The following NOX4 variants were observed in gnomAD, a reference collection of about 807,000 sequenced individuals.
NOX4 encodes the protein kidney oxidase-1.
In NOX4, 69 loss-of-function variants were observed where a neutral mutation model predicts 87.6. That is an observed-to-expected ratio of 0.79 (90% CI 0.65 to 0.96). The LOEUF (loss-of-function observed/expected upper bound fraction) is 0.96. Among genes scored for constraint, NOX4 ranks in the 40% least tolerant of loss-of-function variants. The pLI is 0.00. For missense variants in NOX4, 680 were observed against 681.5 expected, an observed-to-expected ratio of 1.00 and a Z score of 0.02; for synonymous variants, 275 against 238.2, an observed-to-expected ratio of 1.15 and a Z score of -1.42.
intron 2 of NOX4, among the ~76,000 whole-genome samples, chr11:89,461,647 A>AAAATAAATAAAT (rs60340385): frequency 0.012 from 1,807 of 145,686 alleles, 43 homozygotes; most frequent in African/African-American, 0.039. Flanking sequence ...TCCATCTCAA[A>AAAATAAATAAAT]AAATAAATAA....
intron 8 of NOX4, among the ~76,000 whole-genome samples, chr11:89,408,725 T>C (rs1221801968): frequency 6.6e-6 from 1 of 152,182 alleles, no homozygotes; most frequent in Non-Finnish European, 1.5e-5. Flanking sequence ...GCTTACAAGA[T>C]AGGAATAACA....
At chr11:89,492,248 G>A (rs1197932890), upstream of NOX4, 1 of 151,914 alleles carries the variant, frequency 6.6e-6, no homozygotes, top group Non-Finnish European at 1.5e-5. Context: ...AGAAAAGAGA[G>A]AGAAAAAAAT....
At chr11:89,339,853 A>C (rs1189697719) in intron 15 of NOX4, among the ~76,000 whole-genome samples, 2 of 152,170 alleles carry the variant, frequency 1.3e-5, no homozygotes, top group African/African-American at 4.8e-5. Flanking sequence ...GCATACTCAC[A>C]AATATCCATA....
chr11:89,429,688 T>A (rs139983152), intron 7 of NOX4, among the ~76,000 whole-genome samples: 2 of 152,144 alleles, frequency 1.3e-5, no homozygotes, highest in South Asian at 4.1e-4. Context: ...AATAGACCAA[T>A]AACAGGCTCT....
chr11:89,362,199 C>A (rs1262476792), intron 12 of NOX4, among the ~76,000 whole-genome samples: 1 of 150,408 alleles, frequency 6.6e-6, no homozygotes, highest in Admixed American at 6.6e-5. Flanking sequence ...CACACACACA[C>A]CTTCTAGCTA....
chr11:89,438,877 T>TA (rs1190190165), intron 6 of NOX4, among the ~76,000 whole-genome samples: 55 of 55,350 alleles, frequency 9.9e-4, no homozygotes, highest in Middle Eastern at 0.024. Flanking sequence ...ATATATATAA[T>TA]ATATAATATA....
intron 6 of NOX4, among the ~76,000 whole-genome samples, chr11:89,434,448 C>T (rs924641283): frequency 2.0e-5 from 3 of 151,906 alleles, no homozygotes; most frequent in Non-Finnish European, 4.4e-5. Context: ...CTTCCTTTTT[C>T]ATGATTTTTC....
chr11:89,549,017 T>C, the NOX4 span, among the ~76,000 whole-genome samples: 1 of 152,210 alleles, frequency 6.6e-6, no homozygotes, highest in Non-Finnish European at 1.5e-5. Context: ...TCTCAAACCT[T>C]TTCTTAAATT....
intron 8 of NOX4, among the ~76,000 whole-genome samples, chr11:89,417,871 C>A (rs1365201326): frequency 6.6e-6 from 1 of 151,996 alleles, no homozygotes; most frequent in African/African-American, 2.4e-5. Flanking sequence ...TAACAAAAAG[C>A]AAGGACAAAT....
At chr11:89,560,996 CTA>C in the NOX4 span, among the ~76,000 whole-genome samples, 2,045 of 40,672 alleles carry the variant, frequency 0.05, 51 homozygotes, top group Middle Eastern at 0.089. Context: ...CTCTCTCTCT[CTA>C]TATATATATA....
chr11:89,379,184 A>G (rs1471493531), intron 11 of NOX4, among the ~76,000 whole-genome samples: 1 of 152,150 alleles, frequency 6.6e-6, no homozygotes, highest in Non-Finnish European at 1.5e-5. Flanking sequence ...AGATGTCAAC[A>G]CATTTTTGAA....
the NOX4 span, among the ~76,000 whole-genome samples, chr11:89,513,119 C>T: frequency 1.3e-5 from 2 of 151,854 alleles, no homozygotes; most frequent in East Asian, 3.9e-4. Context: ...TCAGGAGTTC[C>T]AGACCAACCT....
rs1946133305 is a variant in NOX4, at chr11:89,475,611, A to T, written c.153+14847T>A. ...ACTTTTGATAACTGAGGATATATTA[A>T]CGTAAAGCGCAGGCTTCAACAGAAT... On this transcript the variant is annotated intron_variant, in intron 2 of 17. Coordinates refer to ENST00000263317, the MANE Select transcript of NOX4 (RefSeq NM_016931.5). 2.0e-5 allele frequency among the ~76,000 whole-genome samples: 3 copies of T among 152,230 alleles called. No homozygotes were observed. In the South Asian group the frequency reaches 6.2e-4, roughly 32 times the overall value.
intron 4 of NOX4, among the ~76,000 whole-genome samples, chr11:89,445,386 A>G (rs188283427): frequency 2.0e-5 from 3 of 152,228 alleles, no homozygotes; most frequent in Admixed American, 2.0e-4. Context: ...GAGGATTAGA[A>G]TGCTAAAATG....
chr11:89,491,525 C>A (rs2135502156), upstream of NOX4: 1 of 441,936 alleles, frequency 2.3e-6, no homozygotes, highest in East Asian at 3.9e-5. Context: ...GCGGCCCAGG[C>A]TGCACCAGTC....
upstream of NOX4, among the ~76,000 whole-genome samples, chr11:89,496,831 T>C (rs537854281): frequency 3.9e-5 from 6 of 152,318 alleles, no homozygotes; most frequent in South Asian, 1.2e-3. Context: ...CCTCTTATTG[T>C]TTTTCTTTAT....
At chr11:89,464,789 T>C (rs1945605724) in intron 2 of NOX4, among the ~76,000 whole-genome samples, 1 of 152,194 alleles carries the variant, frequency 6.6e-6, no homozygotes. Flanking sequence ...AAACTACAAA[T>C]AGATTTAAAA....
At chr11:89,507,273 C>A in the NOX4 span, among the ~76,000 whole-genome samples, 1 of 151,666 alleles carries the variant, frequency 6.6e-6, no homozygotes, top group African/African-American at 2.4e-5. Context: ...TATGTCAAAA[C>A]TTACCCAATT....
chr11:89,361,990 A>G (rs1443162044), intron 12 of NOX4, among the ~76,000 whole-genome samples: 1 of 152,056 alleles, frequency 6.6e-6, no homozygotes, highest in Non-Finnish European at 1.5e-5. Flanking sequence ...CAAGGCAAGG[A>G]TATTTCAGCA....
Sources: gnomAD v4.1 joint callset for allele counts (sites outside exome capture counted in the v4.1 genomes callset) on GRCh38, gnomAD v4.1.1 for gene constraint, MANE v1.5 for transcripts, NCBI Gene and HGNC (gene_info 2026-07-23, HGNC 2026-07-21) for gene names.